The following USP24 variants were observed in gnomAD, a reference collection of about 807,000 sequenced individuals.
USP24 encodes the protein ubiquitin specific peptidase 24, also known as ubiquitin carboxyl-terminal hydrolase 24.
A neutral mutation model predicts 361.6 loss-of-function variants in USP24; 97 were observed. The ratio of observed to expected loss-of-function variants is 0.27; its 90% CI spans 0.23 to 0.32. USP24 has a LOEUF of 0.32. Among genes scored for constraint, USP24 ranks in the 10% least tolerant of loss-of-function variants. USP24 has a pLI of 1.00. For synonymous variants in USP24, 1,098 were observed against 1,124.6 expected (o/e 0.98, Z 0.47); for missense variants, 2,353 against 3,165.6 (o/e 0.74, Z 6.16).
At chr1:55,176,654 A>G (rs1338236062) in intron 2 of USP24, among the ~76,000 whole-genome samples, 2 of 152,230 alleles carry the variant, frequency 1.3e-5, no homozygotes, top group African/African-American at 4.8e-5. Flanking sequence ...TGATGAAGGA[A>G]AGGCTGAGAA....
intron 20 of USP24, among the ~76,000 whole-genome samples, chr1:55,144,751 A>G (rs148816137): frequency 0.051 from 7,766 of 152,236 alleles, 223 homozygotes; most frequent in Middle Eastern, 0.13. Context: ...CCTGGCCAAC[A>G]TGGTGAAACC....
rs1014312973 is a variant in USP24, at chr1:55,138,036, G to A, written c.2929-132C>T. On this transcript the variant is annotated intron_variant, in intron 26 of 67. Transcript: ENST00000294383. ...AACACAGCAGAGAACATAAAGACAA[G>A]AACCCCTGCCCTCGTGAGGCTTCCC... The A allele has an allele frequency of 8.5e-6, 7 of 827,590 alleles. No homozygotes were observed. The African/African-American group carries it at 1.2e-4, about 14-fold the overall frequency. 51.3% of individuals were successfully genotyped at this position (827,590 alleles called of 1,614,324 possible). A position where few individuals can be genotyped will look rare whatever the true frequency, so the allele number is the denominator to read the frequency against.
In USP24 at chr1:55,176,359, C is replaced by T; in HGVS notation, c.558+17G>A. ...CCCCGACACACACAAAATATCACAGCAGCACATTTTTCTTACCTTTTTAAA... is the reference window on the plus strand; with the variant it reads ...CCCCGACACACACAAAATATCACAGTAGCACATTTTTCTTACCTTTTTAAA... On this transcript the variant is annotated intron_variant, in intron 3 of 67. Transcript: ENST00000294383. 3.9e-6 allele frequency: 6 copies of T among 1,556,782 alleles called. No homozygotes were observed. Among genetic ancestry groups the T allele is most frequent in the Non-Finnish European group, 5.2e-6 (6 of 1,148,534 alleles).
Position 55,153,880 on chromosome 1 carries a change from T to C in USP24, c.1850A>G (p.Asp617Gly), listed in dbSNP as rs1028450099. Residue 617 changes from aspartate to glycine, a missense_variant, in exon 16 of 68, where the codon GAT (aspartate) becomes GGT (glycine). Asp to Gly is a moderately conservative substitution (Grantham distance 94). Transcript: ENST00000294383. The stretch of plus-strand genomic sequence containing the variant: ...TCTGCAAATTCTTACCTTGAATCCA[T>C]CCTTCTTGTTTTTTTCCAAACCTGA... ...EWSGLEKNKK[D>G]GFKSSQLNNP... is the part of the protein sequence containing the mutation. 1.9e-6 allele frequency: 3 copies of C among 1,551,124 alleles called. No individual in the cohort carries two copies. Among genetic ancestry groups the C allele is most frequent in the African/African-American group, 1.4e-5 (1 of 73,116 alleles).
chr1:55,144,254 A>T, intron 20 of USP24, 51 bp from the exon 21 acceptor site: 1 of 1,246,854 alleles, frequency 8.0e-7, no homozygotes, highest in Non-Finnish European at 1.1e-6. Flanking sequence ...TAACACAGAT[A>T]ATCAATGAAA....
chr1:55,171,625 T>C lies in USP24; in HGVS notation c.756A>G (p.Gln252=). 1 of 1,609,214 alleles carries C rather than the reference T, an allele frequency of 6.2e-7. No homozygotes were observed. The highest frequency in any genetic ancestry group is 8.5e-7 in the Non-Finnish European group (1 of 1,177,424). ...YHFKNRMKVS[Q]RNWAEVFGEG... ...CTCCAAACACTTCTGCCCAATTCCT[T>C]TGAGACACTTTCATTCTGTTTTTAA... is the stretch of plus-strand genomic sequence containing the variant. Residue 252 remains glutamine (Q), a synonymous_variant, in exon 5 of 68, where the codon CAA becomes CAG. Transcript: ENST00000294383.
intron 5 of USP24, among the ~76,000 whole-genome samples, chr1:55,169,995 T>TAG (rs1342421651): frequency 6.6e-6 from 1 of 152,092 alleles, no homozygotes; most frequent in Non-Finnish European, 1.5e-5. Flanking sequence ...AGATTTTGTT[T>TAG]AGTAAGTTAA....
chr1:55,070,856 C>T (rs1025036402), intron 67 of USP24, among the ~76,000 whole-genome samples: 4 of 152,142 alleles, frequency 2.6e-5, no homozygotes, highest in Non-Finnish European at 4.4e-5. Flanking sequence ...CGGGGATGAG[C>T]GCTAGGGGCT....
At chr1:55,173,463 A>G (rs1011498734) in intron 3 of USP24, among the ~76,000 whole-genome samples, 1 of 152,240 alleles carries the variant, frequency 6.6e-6, no homozygotes, top group African/African-American at 2.4e-5. Flanking sequence ...GGGGAAGTGT[A>G]GAACAAGTGC....
chr1:55,086,143 T>C (rs1645246181), intron 55 of USP24, 105 bp from the exon 56 acceptor site: 2 of 1,098,044 alleles, frequency 1.8e-6, no homozygotes, highest in Admixed American at 1.9e-5. Context: ...AAGTAGAGTC[T>C]CCTGACAGTG....
chr1:55,140,181 A>G (rs1408988723), intron 24 of USP24, among the ~76,000 whole-genome samples: 1 of 152,126 alleles, frequency 6.6e-6, no homozygotes, highest in East Asian at 1.9e-4. Flanking sequence ...GTAGTCCACC[A>G]AATATGAAAT....
chr1:55,211,528 A>C (rs879680522), intron 1 of USP24, among the ~76,000 whole-genome samples: 1 of 152,182 alleles, frequency 6.6e-6, no homozygotes, highest in East Asian at 1.9e-4. Flanking sequence ...GCTTCTACTG[A>C]ACCGGAAGTT....
chr1:55,214,701 T>C lies in USP24; in HGVS notation c.324+89A>G, dbSNP rs112334489. 2.6e-3 allele frequency: 2,700 copies of C among 1,050,926 alleles called. 51 individuals are homozygous for C. In the African/African-American group the frequency reaches 0.039, roughly 15 times the overall value. The allele number at this position is 1,050,926 out of a possible 1,614,324, so 65.1% of individuals were successfully genotyped here. On this transcript the variant is annotated intron_variant, in intron 1 of 67. Coordinates refer to ENST00000294383, the MANE Select transcript of USP24 (RefSeq NM_015306.3). ...TAAAGCCCCAGTCGAATGCCCTCTC[T>C]CCCCACACCAAGCCCAGCGGGGTGT...
At chr1:55,165,336 GA>G (rs1260994800) in intron 7 of USP24, among the ~76,000 whole-genome samples, 3 of 152,080 alleles carry the variant, frequency 2.0e-5, no homozygotes, top group African/African-American at 7.2e-5. Context: ...AACAGTGTCT[GA>G]AAAATTAAAG....
chr1:55,177,094 CAAA>C (rs61532738), intron 2 of USP24, among the ~76,000 whole-genome samples: 3 of 131,628 alleles, frequency 2.3e-5, no homozygotes, highest in Non-Finnish European at 3.3e-5. Flanking sequence ...AATCAAAAAC[CAAA>C]AAAAAAAAAA....
chr1:55,166,709 G>C, intron 5 of USP24, 106 bp from the exon 6 acceptor site: 3 of 1,130,126 alleles, frequency 2.7e-6, no homozygotes, highest in Non-Finnish European at 3.7e-6. Flanking sequence ...AATTATAAAA[G>C]TTTGGAAACT....
At chr1:55,074,741 G>A (rs956249758) in intron 63 of USP24, among the ~76,000 whole-genome samples, 4 of 152,044 alleles carry the variant, frequency 2.6e-5, no homozygotes, top group Admixed American at 6.5e-5. Context: ...AGTTCCAGAC[G>A]GCCTGTGTGT....
intron 50 of USP24, among the ~76,000 whole-genome samples, chr1:55,095,868 T>G (rs1645485513): frequency 6.6e-6 from 1 of 152,218 alleles, no homozygotes; most frequent in Admixed American, 6.5e-5. Flanking sequence ...AATGGCATGG[T>G]ATCAAAATCT....
intron 31 of USP24, among the ~76,000 whole-genome samples, chr1:55,130,749 T>C (rs750384200): frequency 2.0e-5 from 3 of 152,188 alleles, no homozygotes; most frequent in Non-Finnish European, 4.4e-5. Flanking sequence ...GACAACAATT[T>C]AGTGAACTGA....
Sources: allele counts gnomAD v4.1 joint callset (sites outside exome capture counted in the v4.1 genomes callset), GRCh38; gene constraint gnomAD v4.1.1; transcripts MANE v1.5; gene names NCBI Gene and HGNC (gene_info 2026-07-23, HGNC 2026-07-21).